The following MITF variants were observed in gnomAD, a reference collection of about 807,000 sequenced individuals.
MITF encodes microphthalmia-associated transcription factor.
A neutral mutation model predicts 60.5 loss-of-function variants in MITF; 17 were observed. The observed-to-expected ratio is 0.28, with a 90% CI of 0.19 to 0.42. The LOEUF (loss-of-function observed/expected upper bound fraction) is 0.42. Ranked by LOEUF, MITF falls within the 10% of genes least tolerant of loss-of-function variation. MITF has a pLI of 1.00. For missense variants in MITF, 622 were observed against 683.5 expected (o/e 0.91, Z 1.00); for synonymous variants, 260 against 248.5 (o/e 1.05, Z -0.43).
chr3:69,747,212 A>G (rs1443559840), intron 1 of MITF, among the ~76,000 whole-genome samples: 11 of 152,202 alleles, frequency 7.2e-5, no homozygotes, highest in African/African-American at 2.4e-4. Context: ...GAGGTGGCGC[A>G]CAGTTAACAA....
At chr3:69,923,133 G>C (rs9820221) in intron 2 of MITF, among the ~76,000 whole-genome samples, 8,613 of 152,220 alleles carry the variant, frequency 0.057, 588 homozygotes, top group African/African-American at 0.16. Context: ...AGTTTCAAAA[G>C]CAGAAATAAT....
chr3:69,866,233 A>G, intron 1 of MITF: 1 of 1,608,124 alleles, frequency 6.2e-7, no homozygotes, highest in Non-Finnish European at 8.5e-7. Context: ...CAGTGCCAGA[A>G]CTAACTTTGA....
rs544022318 is a variant in MITF at position 69,761,247 on chromosome 3, G to T, written c.104+21546G>T. Among the ~76,000 whole-genome samples, 17 of 152,116 alleles carry T rather than the reference G, an allele frequency of 1.1e-4. 1 individual carries two copies. In the South Asian group the frequency reaches 3.5e-3, roughly 32 times the overall value. On this transcript the variant is annotated intron_variant, in intron 1 of 9. Transcript: ENST00000352241. The stretch of plus-strand genomic sequence containing the variant: ...ATCAGGAATTAATAATTTACATCTA[G>T]GTGAATTATAAACATAGTAAGGCAC...
chr3:69,741,322 C>T (rs747451180), intron 1 of MITF, among the ~76,000 whole-genome samples: 4 of 152,156 alleles, frequency 2.6e-5, no homozygotes, highest in Non-Finnish European at 5.9e-5. Context: ...TAAGCAAATG[C>T]TTACACGGCC....
intron 1 of MITF, among the ~76,000 whole-genome samples, chr3:69,802,728 A>G (rs1163122915): frequency 4.5e-5 from 2 of 44,100 alleles, no homozygotes; most frequent in Non-Finnish European, 8.4e-5. Context: ...TTTGGCTCTT[A>G]TTGCCCAGGC....
At chr3:69,746,576 G>A (rs1357523355) in intron 1 of MITF, among the ~76,000 whole-genome samples, 8 of 151,950 alleles carry the variant, frequency 5.3e-5, no homozygotes, top group South Asian at 2.1e-4. Context: ...TTGTCTAATC[G>A]GAATAAATTA....
chr3:69,885,670 G>A (rs976550837), intron 2 of MITF, among the ~76,000 whole-genome samples: 6 of 152,092 alleles, frequency 3.9e-5, no homozygotes, highest in Non-Finnish European at 8.8e-5. Context: ...ATTTTATGGT[G>A]ATGGGGATGA....
At chr3:69,780,570 C>G (rs539681921) in intron 1 of MITF, among the ~76,000 whole-genome samples, 6 of 152,252 alleles carry the variant, frequency 3.9e-5, no homozygotes, top group Admixed American at 1.3e-4. Flanking sequence ...CTTGGGGTCT[C>G]TCATGGAATT....
At chr3:69,866,129 G>A (rs967736768) in intron 1 of MITF, 16 of 1,340,010 alleles carry the variant, frequency 1.2e-5, no homozygotes, top group South Asian at 1.1e-4. Flanking sequence ...CAGGTCTGCT[G>A]TTGCAGACAG....
intron 6 of MITF, among the ~76,000 whole-genome samples, chr3:69,951,093 C>CT (rs527693480): frequency 0.094 from 10,203 of 108,902 alleles, 712 homozygotes; most frequent in Middle Eastern, 0.13. Flanking sequence ...AATTTGGCAG[C>CT]TTTTTTTTTT....
At chr3:69,953,107 C>T (rs2066297491) in intron 7 of MITF, among the ~76,000 whole-genome samples, 1 of 152,068 alleles carries the variant, frequency 6.6e-6, no homozygotes, top group African/African-American at 2.4e-5. Context: ...AAAGCTACAC[C>T]CCTCCCCAGT....
At chr3:69,865,936 T>C (rs1327831091) in intron 1 of MITF, among the ~76,000 whole-genome samples, 1 of 152,178 alleles carries the variant, frequency 6.6e-6, no homozygotes, top group East Asian at 1.9e-4. Context: ...TTAAGTTCTC[T>C]AATAATGTGC....
At chr3:69,795,843 A>G (rs1408172831) in intron 1 of MITF, among the ~76,000 whole-genome samples, 7 of 152,254 alleles carry the variant, frequency 4.6e-5, no homozygotes, top group African/African-American at 1.7e-4. Flanking sequence ...TTTAAAAAAT[A>G]TAAGTATATA....
chr3:69,763,939 GA>G lies in MITF; in HGVS notation c.104+24240del, dbSNP rs1219017631. 3 of 1,359,960 alleles carry G rather than the reference GA, an allele frequency of 2.2e-6. No homozygotes were observed. Among genetic ancestry groups the G allele is most frequent in the Admixed American group, 4.2e-5 (2 of 47,162 alleles). The allele number at this position is 1,359,960 out of a possible 1,614,324, so 84.2% of individuals were successfully genotyped here. ...AAATTGACTCTGTGCCTGTTTTCAAGAAGGTAATACAGATGATAACCAAAGT... is the reference window on the plus strand; with the variant it reads ...AAATTGACTCTGTGCCTGTTTTCAAGAGGTAATACAGATGATAACCAAAGT... On this transcript the variant is annotated intron_variant, in intron 1 of 9. Transcript: ENST00000352241.
intron 1 of MITF, among the ~76,000 whole-genome samples, chr3:69,817,589 A>G (rs925914954): frequency 3.3e-5 from 5 of 152,210 alleles, no homozygotes; most frequent in African/African-American, 1.2e-4. Context: ...ATTTTCTGAG[A>G]AAAGAGATGG....
intron 1 of MITF, among the ~76,000 whole-genome samples, chr3:69,868,089 G>C (rs547079914): frequency 6.6e-6 from 1 of 152,268 alleles, no homozygotes; most frequent in Non-Finnish European, 1.5e-5. Context: ...GCTTTGACTC[G>C]TTTTTAGATA....
At chr3:69,776,479 A>C (rs1035109426) in intron 1 of MITF, among the ~76,000 whole-genome samples, 1 of 152,190 alleles carries the variant, frequency 6.6e-6, no homozygotes, top group Non-Finnish European at 1.5e-5. Context: ...CATATGCACA[A>C]TGGAGATAGT....
intron 1 of MITF, among the ~76,000 whole-genome samples, chr3:69,845,431 CTTT>C (rs1330602821): frequency 1.8e-4 from 22 of 119,920 alleles, no homozygotes; most frequent in African/African-American, 4.6e-4. Context: ...TTTCTTTTTT[CTTT>C]TTTCTTTCTT....
At chr3:69,923,500 A>T (rs2065515732) in intron 2 of MITF, among the ~76,000 whole-genome samples, 1 of 152,094 alleles carries the variant, frequency 6.6e-6, no homozygotes, top group Non-Finnish European at 1.5e-5. Context: ...ACACACCACC[A>T]CACCAGGCTA....
Sources: gnomAD v4.1 joint callset for allele counts (sites outside exome capture counted in the v4.1 genomes callset) on GRCh38, gnomAD v4.1.1 for gene constraint, MANE v1.5 for transcripts, NCBI Gene and HGNC (gene_info 2026-07-23, HGNC 2026-07-21) for gene names.